Variants in DPP6 observed in about 807,000 individuals in gnomAD.
The protein encoded by DPP6 is A-type potassium channel modulatory protein DPP6.
In DPP6, 69 loss-of-function variants were observed where a neutral mutation model predicts 122.6. The ratio of observed to expected loss-of-function variants is 0.56; its 90% CI spans 0.46 to 0.69. The LOEUF is 0.69. Ranked by LOEUF, DPP6 falls within the 30% of genes least tolerant of loss-of-function variation. DPP6 has a pLI of 0.00. For missense variants in DPP6, 928 were observed against 1,116.9 expected (o/e 0.83, Z 2.41); for synonymous variants, 418 against 433.1 (o/e 0.97, Z 0.43).
chr7:154,664,984 C>T (rs536352393), intron 6 of DPP6, among the ~76,000 whole-genome samples: 2 of 152,242 alleles, frequency 1.3e-5, no homozygotes, highest in African/African-American at 4.8e-5. Context: ...AATTTTTCTA[C>T]CAATTTTCTA....
chr7:153,963,221 T>C (rs1490591792), intron 1 of DPP6, among the ~76,000 whole-genome samples: 1 of 151,878 alleles, frequency 6.6e-6, no homozygotes, highest in East Asian at 1.9e-4. Flanking sequence ...CAGAGTAAAG[T>C]CCAAGGGTAG....
chr7:154,011,782 A>G (rs1798166861), intron 1 of DPP6, among the ~76,000 whole-genome samples: 1 of 152,224 alleles, frequency 6.6e-6, no homozygotes, highest in Non-Finnish European at 1.5e-5. Context: ...GATGAATAAC[A>G]GGAAGCTTAG....
At chr7:154,321,803 A>G (rs1271711601) in intron 1 of DPP6, among the ~76,000 whole-genome samples, 2 of 151,246 alleles carry the variant, frequency 1.3e-5, no homozygotes, top group Non-Finnish European at 3.0e-5. Context: ...AAAAAAAAAA[A>G]AAGAGGAAGA....
intron 1 of DPP6, among the ~76,000 whole-genome samples, chr7:154,102,292 C>A (rs763053915): frequency 3.9e-5 from 6 of 152,106 alleles, no homozygotes; most frequent in African/African-American, 1.4e-4. Context: ...TGGGTTCAAG[C>A]GATTCTCCCG....
intron 1 of DPP6, among the ~76,000 whole-genome samples, chr7:154,275,996 T>C (rs531134018): frequency 2.6e-5 from 4 of 152,348 alleles, no homozygotes; most frequent in African/African-American, 9.6e-5. Context: ...TTTGAGATAG[T>C]AAGACCTTGC....
chr7:154,729,961 C>A (rs1842255865), intron 8 of DPP6, among the ~76,000 whole-genome samples: 1 of 152,168 alleles, frequency 6.6e-6, no homozygotes, highest in African/African-American at 2.4e-5. Flanking sequence ...GGAGATGTCC[C>A]CAGCTCCACC....
intron 1 of DPP6, among the ~76,000 whole-genome samples, chr7:154,351,307 G>C (rs1180595371): frequency 6.6e-6 from 1 of 152,070 alleles, no homozygotes; most frequent in Non-Finnish European, 1.5e-5. Context: ...GGATCCCACA[G>C]CTTCACTGAT....
chr7:154,837,461 G>A (rs972446165), intron 16 of DPP6, among the ~76,000 whole-genome samples: 1 of 152,246 alleles, frequency 6.6e-6, no homozygotes, highest in African/African-American at 2.4e-5. Context: ...CACACACGTG[G>A]GATGTGCATT....
chr7:153,995,904 A>G (rs2129044072), intron 1 of DPP6, among the ~76,000 whole-genome samples: 1 of 152,330 alleles, frequency 6.6e-6, no homozygotes, highest in Admixed American at 6.5e-5. Flanking sequence ...GCTGCTTCCA[A>G]ACATCTATGG....
At chr7:154,208,559 C>T (rs1428895640) in intron 1 of DPP6, among the ~76,000 whole-genome samples, 1 of 152,172 alleles carries the variant, frequency 6.6e-6, no homozygotes. Context: ...ACATAATTTG[C>T]AGAATTGATC....
intron 7 of DPP6, among the ~76,000 whole-genome samples, chr7:154,722,798 G>C (rs2131348670): frequency 6.6e-6 from 1 of 152,216 alleles, no homozygotes; most frequent in East Asian, 1.9e-4. Context: ...GAGCCTGAGT[G>C]CTCTGCCAGC....
intron 1 of DPP6, among the ~76,000 whole-genome samples, chr7:154,384,855 T>C (rs950507612): frequency 6.6e-6 from 1 of 151,916 alleles, no homozygotes; most frequent in Non-Finnish European, 1.5e-5. Context: ...AGGGTACATA[T>C]AGACAGTGGG....
At chr7:154,620,965 G>C (rs1834608389) in intron 5 of DPP6, among the ~76,000 whole-genome samples, 1 of 152,162 alleles carries the variant, frequency 6.6e-6, no homozygotes, top group Non-Finnish European at 1.5e-5. Context: ...TCTTTAGAAT[G>C]CCATACACTT....
chr7:154,060,260 C>G (rs545760083), intron 1 of DPP6, among the ~76,000 whole-genome samples: 1 of 133,586 alleles, frequency 7.5e-6, no homozygotes, highest in Admixed American at 7.3e-5. Context: ...GGCGGAGGCA[C>G]CCCCCGCGAG....
the DPP6 span, among the ~76,000 whole-genome samples, chr7:153,845,374 TG>T: frequency 6.6e-6 from 1 of 152,046 alleles, no homozygotes; most frequent in Non-Finnish European, 1.5e-5. Context: ...ATAACTCTTT[TG>T]TCTGACATTA....
chr7:154,158,581 A>G (rs1202671151), intron 1 of DPP6, among the ~76,000 whole-genome samples: 1 of 151,800 alleles, frequency 6.6e-6, no homozygotes, highest in African/African-American at 2.4e-5. Flanking sequence ...CATTGTCTCT[A>G]TTTTGTAATT....
chr7:154,318,011 T>TAAC (rs1393964587), intron 1 of DPP6, among the ~76,000 whole-genome samples: 13 of 152,384 alleles, frequency 8.5e-5, no homozygotes, highest in Admixed American at 2.6e-4. Context: ...CAAATATTCA[T>TAAC]TTCATGAAAC....
intron 1 of DPP6, among the ~76,000 whole-genome samples, chr7:153,993,510 G>A (rs1797286276): frequency 6.6e-6 from 1 of 152,138 alleles, no homozygotes; most frequent in Non-Finnish European, 1.5e-5. Context: ...TATCAACCTC[G>A]GCAGCAAATG....
chr7:154,023,318 G>GCGCACA (rs1554436898), intron 1 of DPP6, among the ~76,000 whole-genome samples: 10 of 129,618 alleles, frequency 7.7e-5, no homozygotes, highest in Non-Finnish European at 1.3e-4. Context: ...TTTCTTGTCT[G>GCGCACA]CACACACACA....
Sources: gnomAD v4.1 joint callset for allele counts (sites outside exome capture counted in the v4.1 genomes callset) on GRCh38, gnomAD v4.1.1 for gene constraint, MANE v1.5 for transcripts, NCBI Gene and HGNC (gene_info 2026-07-23, HGNC 2026-07-21) for gene names.